The following LINGO1 variants were observed in gnomAD, a reference collection of about 807,000 sequenced individuals.
LINGO1 encodes leucine-rich repeat and immunoglobulin-like domain-containing nogo receptor-interacting protein 1.
In LINGO1, 11 loss-of-function variants were observed where a neutral mutation model predicts 37.3. The observed-to-expected ratio is 0.29, with a 90% CI of 0.19 to 0.49. LINGO1 has a LOEUF of 0.49. Ranked by LOEUF, LINGO1 falls within the 20% of genes least tolerant of loss-of-function variation. The pLI is 0.99. For missense variants in LINGO1, 585 were observed against 878.2 expected (o/e 0.67, Z 4.22); for synonymous variants, 387 against 403.0 (o/e 0.96, Z 0.48).
chr15:77,655,140 G>A (rs745905847), intron 3 of LINGO1, among the ~76,000 whole-genome samples: 3 of 152,204 alleles, frequency 2.0e-5, no homozygotes, highest in South Asian at 4.1e-4. Context: ...GAGCAATGTC[G>A]CAGTGCTGGC....
In LINGO1 at chr15:77,632,653, T is replaced by C. The variant is rs1288038582; in HGVS notation, c.-338A>G. On this transcript the variant is annotated 5_prime_UTR_variant, in exon 1 of 2. Transcript: ENST00000355300. The surrounding 1 kb of genome is among the most constrained non-coding windows in gnomAD (Gnocchi z 6.0). ...GGCCCGGAGCCGCCGCCGCCGCCTC[T>C]GCCGCTGGGGCCGGGGTCGAGGCCG... Among the ~76,000 whole-genome samples, 1 of 145,184 alleles carries C rather than the reference T, an allele frequency of 6.9e-6. No individual in the cohort carries two copies. The highest frequency in any genetic ancestry group is 2.0e-4 in the East Asian group (1 of 4,974).
chr15:77,747,050 G>A lies in LINGO1; in HGVS notation c.-256-11997C>T, dbSNP rs114748432. On this transcript the variant is annotated intron_variant, in intron 1 of 3. Transcript: ENST00000561686. ...GACTAGAACACAGGCACCTAGGCCCGGCCCATGGACCTCTCCCTCAGGACC... is the reference window on the plus strand; with the variant it reads ...GACTAGAACACAGGCACCTAGGCCCAGCCCATGGACCTCTCCCTCAGGACC... Among the ~76,000 whole-genome samples, 233 of 152,294 alleles carry A rather than the reference G, an allele frequency of 1.5e-3. 1 individual carries two copies. Among genetic ancestry groups the A allele is most frequent in the African/African-American group, 5.4e-3 (226 of 41,554 alleles).
intron 2 of LINGO1, among the ~76,000 whole-genome samples, chr15:77,728,739 C>T (rs1338913261): frequency 5.9e-5 from 9 of 152,242 alleles, no homozygotes; most frequent in Admixed American, 5.9e-4. Flanking sequence ...TGCCGAGGTT[C>T]AAATCCCCAC....
chr15:77,776,535 AGGG>A (rs1248721095), intron 1 of LINGO1, among the ~76,000 whole-genome samples: 10 of 60,098 alleles, frequency 1.7e-4, no homozygotes, highest in East Asian at 1.3e-3. Context: ...GAAGGGAGGG[AGGG>A]AGGGAGGGAG....
intron 1 of LINGO1, among the ~76,000 whole-genome samples, chr15:77,770,250 T>C: frequency 6.6e-6 from 1 of 152,250 alleles, no homozygotes; most frequent in East Asian, 1.9e-4. Context: ...TCTGGTTGAA[T>C]CCTCACCACT....
chr15:77,758,751 T>G (rs1467478749), intron 1 of LINGO1, among the ~76,000 whole-genome samples: 1 of 151,946 alleles, frequency 6.6e-6, no homozygotes, highest in Non-Finnish European at 1.5e-5. Context: ...ATGGGGGTTT[T>G]GGGGGGATCA....
chr15:77,787,398 G>A (rs117532670), upstream of LINGO1, among the ~76,000 whole-genome samples: 3,239 of 152,220 alleles, frequency 0.021, 60 homozygotes, highest in South Asian at 0.039. Flanking sequence ...AAGTGGTCAG[G>A]CACTGATAAA....
At chr15:77,699,773 ATTCCCCC>A (rs2075757783), upstream of LINGO1, among the ~76,000 whole-genome samples, 155 of 149,844 alleles carry the variant, frequency 1.0e-3, no homozygotes, top group Admixed American at 1.3e-3. Context: ...ACTAACCATC[ATTCCCCC>A]CCTCTACCTC....
chr15:77,644,198 G>A (rs2074572283), intron 3 of LINGO1, among the ~76,000 whole-genome samples: 2 of 152,340 alleles, frequency 1.3e-5, no homozygotes, highest in Admixed American at 1.3e-4. Context: ...GAACATGTGT[G>A]TGGTGTCTCT....
chr15:77,789,574 T>C (rs538912794), upstream of LINGO1, among the ~76,000 whole-genome samples: 140 of 152,272 alleles, frequency 9.2e-4, 2 homozygotes, highest in African/African-American at 3.1e-3. Context: ...GCCACTGGAC[T>C]CCAGCCTGGG....
intron 3 of LINGO1, among the ~76,000 whole-genome samples, chr15:77,657,747 G>C (rs374529407): frequency 8.5e-5 from 13 of 152,168 alleles, no homozygotes; most frequent in Non-Finnish European, 1.6e-4. Context: ...ATGGATTTAG[G>C]GGGGCAGGGA....
chr15:77,792,259 C>T (rs1430447207), intron 2 of LINGO1, among the ~76,000 whole-genome samples: 1 of 152,236 alleles, frequency 6.6e-6, no homozygotes, highest in South Asian at 2.1e-4. Context: ...CCTTCAGCAA[C>T]GCCTTCAAAG....
chr15:77,648,477 C>G (rs1378592056), intron 3 of LINGO1: 1 of 153,372 alleles, frequency 6.5e-6, no homozygotes, highest in Non-Finnish European at 1.5e-5. Flanking sequence ...GAGATCTGAA[C>G]CCACATTTAT....
At chr15:77,764,444 C>CAA (rs145209741) in intron 1 of LINGO1, among the ~76,000 whole-genome samples, 1 of 151,944 alleles carries the variant, frequency 6.6e-6, no homozygotes, top group African/African-American at 2.4e-5. Flanking sequence ...AGATAGCTGA[C>CAA]AAAAAAACTG....
At chr15:77,792,824 G>T (rs182010727) in intron 2 of LINGO1, among the ~76,000 whole-genome samples, 1 of 152,350 alleles carries the variant, frequency 6.6e-6, no homozygotes, top group East Asian at 1.9e-4. Flanking sequence ...TGTAGCAGGC[G>T]CTCAGTGAGT....
At chr15:77,702,246 G>C (rs1424650496) in intron 2 of LINGO1, among the ~76,000 whole-genome samples, 2 of 152,132 alleles carry the variant, frequency 1.3e-5, no homozygotes, top group East Asian at 3.9e-4. Context: ...GCCCTCTCTG[G>C]TTCCTAGTCA....
chr15:77,632,161 G>C lies in LINGO1; in HGVS notation c.6+149C>G. The C allele has an allele frequency of 1.5e-6, 1 of 677,066 alleles. No individual in the cohort carries two copies. Among genetic ancestry groups the C allele is most frequent in the Non-Finnish European group, 2.1e-6 (1 of 482,548 alleles). The allele number at this position is 677,066 out of a possible 1,614,324, so 41.9% of individuals were successfully genotyped here. ...AATTTTCATTTCTGAGGCTTGAGGGGAAATCAGGCCTATGACCCCAAAGGA... is the reference window on the plus strand; with the variant it reads ...AATTTTCATTTCTGAGGCTTGAGGGCAAATCAGGCCTATGACCCCAAAGGA... On this transcript the variant is annotated intron_variant, in intron 1 of 1. Transcript: ENST00000355300. The surrounding 1 kb of genome is among the most constrained non-coding windows in gnomAD (Gnocchi z 6.0).
upstream of LINGO1, among the ~76,000 whole-genome samples, chr15:77,701,215 G>A (rs1008279870): frequency 2.0e-5 from 3 of 152,154 alleles, no homozygotes; most frequent in Non-Finnish European, 4.4e-5. Flanking sequence ...CAGGAATTGG[G>A]TGCATCTCAA....
In LINGO1 at chr15:77,727,627, T is replaced by A. The variant is rs1354332864; in HGVS notation, c.-195+7365A>T. 2.0e-5 allele frequency among the ~76,000 whole-genome samples: 3 copies of A among 152,064 alleles called. No homozygotes were observed. The South Asian group carries it at 6.2e-4, about 32-fold the overall frequency. ...TTGTCCAGTGGATACAGAATTTTGG[T>A]CATGCAAGATGAAAAGGAATCTGGT... is the stretch of plus-strand genomic sequence containing the variant. On this transcript the variant is annotated intron_variant, in intron 2 of 3. Coordinates refer to the LINGO1 transcript ENST00000561686.
Sources: allele counts gnomAD v4.1 joint callset (sites outside exome capture counted in the v4.1 genomes callset), GRCh38; gene constraint gnomAD v4.1.1; non-coding constraint Gnocchi (gnomAD v3.1); transcripts MANE v1.5; gene names NCBI Gene and HGNC (gene_info 2026-07-23, HGNC 2026-07-21).